The following CNTNAP2 variants were observed in gnomAD, a reference collection of about 807,000 sequenced individuals.
The protein encoded by CNTNAP2 is contactin associated protein 2, also known as contactin-associated protein-like 2.
In CNTNAP2, 98 loss-of-function variants were observed where a neutral mutation model predicts 155.2. The observed-to-expected ratio is 0.63, with a 90% confidence interval of 0.54 to 0.75. CNTNAP2 has a LOEUF of 0.75. Among genes scored for constraint, CNTNAP2 ranks in the 30% least tolerant of loss-of-function variants. The pLI, the probability that CNTNAP2 is intolerant of heterozygous loss-of-function variation, is 0.00. For missense variants in CNTNAP2, 1,727 were observed against 1,688.1 expected, an observed-to-expected ratio of 1.02 and a Z score of -0.40; for synonymous variants, 651 against 631.2, an observed-to-expected ratio of 1.03 and a Z score of -0.47.
chr7:146,127,228 T>C, intron 1 of CNTNAP2, among the ~76,000 whole-genome samples: 1 of 152,190 alleles, frequency 6.6e-6, no homozygotes, highest in Non-Finnish European at 1.5e-5. Context: ...TCTATGCTGT[T>C]TTAGAGGAAA....
rs532634701 is a variant in CNTNAP2, at chr7:147,048,890, AT to A, written c.550+4839del. Among the ~76,000 whole-genome samples the A allele has an allele frequency of 2.4e-3, 368 of 152,308 alleles. 1 individual carries two copies. The highest frequency in any genetic ancestry group is 3.4e-3 in the Non-Finnish European group (233 of 68,022). On this transcript the variant is annotated intron_variant, in intron 4 of 23. Coordinates refer to ENST00000361727, the MANE Select transcript of CNTNAP2 (RefSeq NM_014141.6). ...TTTTTTCTTAGTTTGGAAAACAAAA[AT>A]TTAATCATCCTGAAAACTGTCTTTA... is the stretch of plus-strand genomic sequence containing the variant.
chr7:146,133,129 G>C (rs373536637), intron 1 of CNTNAP2, among the ~76,000 whole-genome samples: 1 of 149,366 alleles, frequency 6.7e-6, no homozygotes, highest in South Asian at 2.1e-4. Flanking sequence ...ATGGTATCTC[G>C]TTGTGGTTTT....
intron 15 of CNTNAP2, among the ~76,000 whole-genome samples, chr7:148,027,379 T>G (rs1802394215): frequency 6.6e-6 from 1 of 152,220 alleles, no homozygotes; most frequent in Non-Finnish European, 1.5e-5. Context: ...ATTTTCTTTC[T>G]CTCAAATTCA....
intron 11 of CNTNAP2, among the ~76,000 whole-genome samples, chr7:147,489,532 C>T (rs571647056): frequency 9.2e-5 from 14 of 152,268 alleles, no homozygotes; most frequent in African/African-American, 2.4e-4. Flanking sequence ...CAAACCATGA[C>T]AAAGGGACTA....
chr7:146,219,799 A>C (rs1799177632), intron 1 of CNTNAP2, among the ~76,000 whole-genome samples: 1 of 152,216 alleles, frequency 6.6e-6, no homozygotes, highest in South Asian at 2.1e-4. Flanking sequence ...CTGTGATTAT[A>C]CTTTTGAATT....
chr7:147,784,078 T>G (rs1451741389), intron 13 of CNTNAP2, among the ~76,000 whole-genome samples: 1 of 152,052 alleles, frequency 6.6e-6, no homozygotes, highest in Non-Finnish European at 1.5e-5. Flanking sequence ...AATCTCTGCC[T>G]TTGTGTTCAC....
At chr7:147,750,855 G>A (rs1797122720) in intron 13 of CNTNAP2, among the ~76,000 whole-genome samples, 1 of 152,092 alleles carries the variant, frequency 6.6e-6, no homozygotes, top group South Asian at 2.1e-4. Context: ...TGGCTAACAT[G>A]GTGAAACCCT....
intron 14 of CNTNAP2, among the ~76,000 whole-genome samples, chr7:147,926,628 C>G (rs1339626470): frequency 6.6e-6 from 1 of 152,152 alleles, no homozygotes; most frequent in Admixed American, 6.5e-5. Context: ...GACTGGTATA[C>G]AGATTACAGT....
intron 1 of CNTNAP2, among the ~76,000 whole-genome samples, chr7:146,614,140 C>A (rs180848858): frequency 6.6e-6 from 1 of 152,032 alleles, no homozygotes; most frequent in African/African-American, 2.4e-5. Context: ...TTGTAGAATT[C>A]CTCTGGTTTT....
At chr7:147,779,587 G>A (rs1276477021) in intron 13 of CNTNAP2, among the ~76,000 whole-genome samples, 1 of 152,078 alleles carries the variant, frequency 6.6e-6, no homozygotes, top group Non-Finnish European at 1.5e-5. Context: ...ATCCCGAAGT[G>A]CAGGAAGATA....
At chr7:148,324,901 A>C (rs1454608807) in intron 21 of CNTNAP2, among the ~76,000 whole-genome samples, 1 of 152,202 alleles carries the variant, frequency 6.6e-6, no homozygotes, top group Non-Finnish European at 1.5e-5. Flanking sequence ...GAATGAACTG[A>C]TTTATAAGCA....
intron 9 of CNTNAP2, among the ~76,000 whole-genome samples, chr7:147,337,098 C>A (rs1251909223): frequency 1.3e-5 from 2 of 151,940 alleles, no homozygotes; most frequent in Non-Finnish European, 2.9e-5. Flanking sequence ...TATCATGCAC[C>A]CACATCAGTC....
At chr7:147,404,437 T>C (rs1039188007) in intron 10 of CNTNAP2, among the ~76,000 whole-genome samples, 2 of 152,210 alleles carry the variant, frequency 1.3e-5, no homozygotes, top group African/African-American at 4.8e-5. Context: ...CCTATTGTGA[T>C]TCTTTCAGGT....
intron 1 of CNTNAP2, among the ~76,000 whole-genome samples, chr7:146,589,619 G>C (rs1394941175): frequency 6.6e-6 from 1 of 151,886 alleles, no homozygotes; most frequent in East Asian, 1.9e-4. Context: ...GATAGGGGAG[G>C]GATAGTATTA....
chr7:147,204,438 T>C (rs1034218296), intron 8 of CNTNAP2, among the ~76,000 whole-genome samples: 1 of 152,140 alleles, frequency 6.6e-6, no homozygotes, highest in East Asian at 1.9e-4. Flanking sequence ...TAAATGTGTG[T>C]CTATAAATAA....
intron 21 of CNTNAP2, chr7:148,381,250 C>A (rs1436602035): frequency 6.6e-6 from 1 of 152,326 alleles, no homozygotes; most frequent in Non-Finnish European, 1.5e-5. Context: ...TTCACGTAAG[C>A]TGGCTGCCTT....
rs11352009 is a variant in CNTNAP2, at chr7:147,048,067, ATTTTTTTT to A, written c.550+4031_550+4038del. The stretch of plus-strand genomic sequence containing the variant: ...TTAACAATCATGACACGGAGAGACA[ATTTTTTTT>A]TTTTTTTTTTTTTTTTTGAGATGGA... On this transcript the variant is annotated intron_variant, in intron 4 of 23. Transcript: ENST00000361727. Among the ~76,000 whole-genome samples, 12 of 90,376 alleles carry A rather than the reference ATTTTTTTT, an allele frequency of 1.3e-4. No homozygotes were observed. In the East Asian group the frequency reaches 2.7e-3, roughly 21 times the overall value. The allele number at this position is 90,376 out of a possible 152,430, so 59.3% of individuals were successfully genotyped here.
chr7:147,909,867 A>G (rs1800029494), intron 14 of CNTNAP2, among the ~76,000 whole-genome samples: 2 of 152,206 alleles, frequency 1.3e-5, no homozygotes, highest in Admixed American at 6.5e-5. Context: ...AAATAAGTGA[A>G]GTGAAAAGCC....
At chr7:146,439,457 T>G (rs1316858852) in intron 1 of CNTNAP2, among the ~76,000 whole-genome samples, 1 of 151,570 alleles carries the variant, frequency 6.6e-6, no homozygotes, top group Admixed American at 6.6e-5. Context: ...TTTTTGTTTG[T>G]CTTCTCTTCT....
Sources: gnomAD v4.1 joint callset for allele counts (sites outside exome capture counted in the v4.1 genomes callset) on GRCh38, gnomAD v4.1.1 for gene constraint, MANE v1.5 for transcripts, NCBI Gene and HGNC (gene_info 2026-07-23, HGNC 2026-07-21) for gene names.